CEP120: variants seen among roughly 807,000 people sequenced by gnomAD.
CEP120 encodes the protein centrosomal protein of 120 kDa.
Under a neutral mutation model 126.5 loss-of-function variants are expected in CEP120, and 113 were observed. The ratio of observed to expected loss-of-function variants is 0.89; its 90% CI spans 0.77 to 1.04. The LOEUF (loss-of-function observed/expected upper bound fraction) is 1.04. Ranked by LOEUF, CEP120 falls within the 50% of genes least tolerant of loss-of-function variation. The pLI, the probability that CEP120 is intolerant of heterozygous loss-of-function variation, is 0.00. For synonymous variants in CEP120, 400 were observed against 394.3 expected, an observed-to-expected ratio of 1.01 and a Z score of -0.17; for missense variants, 1,230 against 1,155.7, an observed-to-expected ratio of 1.06 and a Z score of -0.93.
At chr5:123,377,258 T>G in intron 16 of CEP120, 116 bp downstream of exon 16, 3 of 916,556 alleles carry the variant, frequency 3.3e-6, no homozygotes, top group Non-Finnish European at 5.0e-6. Flanking sequence ...AATAATATGA[T>G]TAATAGTCTA....
chr5:123,385,984 G>C (rs190995937), intron 10 of CEP120, among the ~76,000 whole-genome samples: 1 of 152,072 alleles, frequency 6.6e-6, no homozygotes, highest in Non-Finnish European at 1.5e-5. Flanking sequence ...TTAGATTTAA[G>C]TTACCCTTCA....
intron 18 of CEP120, among the ~76,000 whole-genome samples, chr5:123,355,324 T>A (rs1332163377): frequency 2.6e-5 from 4 of 152,186 alleles, no homozygotes; most frequent in Non-Finnish European, 4.4e-5. Context: ...CTGGGTCAAA[T>A]GGTATTTCTA....
At chr5:123,401,115 C>T in intron 4 of CEP120, 2 of 1,600,652 alleles carry the variant, frequency 1.2e-6, no homozygotes, top group Non-Finnish European at 1.7e-6. Context: ...CGTATGAATA[C>T]TCATGTTCTG....
intron 5 of CEP120, among the ~76,000 whole-genome samples, chr5:123,394,357 C>T (rs537169582): frequency 1.4e-4 from 22 of 152,302 alleles, no homozygotes; most frequent in Admixed American, 1.2e-3. Flanking sequence ...AACTGTTCTA[C>T]CTCAGATCAT....
At chr5:123,422,445 A>G in intron 1 of CEP120, 4 of 1,424,176 alleles carry the variant, frequency 2.8e-6, no homozygotes, top group Non-Finnish European at 3.8e-6. Flanking sequence ...CAATAAACCA[A>G]TGTCATTCAT....
At chr5:123,381,546 T>G (rs1771649922) in intron 14 of CEP120, among the ~76,000 whole-genome samples, 1 of 152,122 alleles carries the variant, frequency 6.6e-6, no homozygotes, top group African/African-American at 2.4e-5. Flanking sequence ...AATATTAAGC[T>G]TTTGCTTCAG....
Position 123,372,506 on chromosome 5 carries a change from T to C in CEP120, c.2481+144A>G, listed in dbSNP as rs531962657. 4 of 793,276 alleles carry C rather than the reference T, an allele frequency of 5.0e-6. No individual in the cohort carries two copies. In the South Asian group the frequency reaches 5.2e-5, roughly 10 times the overall value. The allele number at this position is 793,276 out of a possible 1,614,324, so 49.1% of individuals were successfully genotyped here. On this transcript the variant is annotated intron_variant, in intron 17 of 19. Transcript: ENST00000306467. ...CCAAGAAATTCAAGTACTAATAATG[T>C]CACGTGCCTTTAATTCTCTAATGCA...
At chr5:123,365,540 A>C (rs11740716) in intron 17 of CEP120, among the ~76,000 whole-genome samples, 2 of 151,700 alleles carry the variant, frequency 1.3e-5, no homozygotes, top group African/African-American at 4.8e-5. Flanking sequence ...TTCCCTTCAC[A>C]AAAGTGCAGA....
chr5:123,365,678 T>A (rs1168230410), intron 17 of CEP120, among the ~76,000 whole-genome samples: 1 of 151,692 alleles, frequency 6.6e-6, no homozygotes, highest in Non-Finnish European at 1.5e-5. Flanking sequence ...TGAATAATAC[T>A]GCTGAGATTA....
chr5:123,365,677 C>T (rs1007390136), intron 17 of CEP120, among the ~76,000 whole-genome samples: 4 of 151,566 alleles, frequency 2.6e-5, no homozygotes, highest in Admixed American at 1.3e-4. Flanking sequence ...TTGAATAATA[C>T]TGCTGAGATT....
intron 18 of CEP120, among the ~76,000 whole-genome samples, chr5:123,364,010 T>C (rs1770274834): frequency 6.6e-6 from 1 of 151,528 alleles, no homozygotes; most frequent in Non-Finnish European, 1.5e-5. Context: ...GAAAAAAATA[T>C]AATAATTCAG....
intron 3 of CEP120, among the ~76,000 whole-genome samples, chr5:123,415,270 G>A (rs1418570270): frequency 6.6e-6 from 1 of 152,028 alleles, no homozygotes; most frequent in Non-Finnish European, 1.5e-5. Flanking sequence ...CAGATCAGGA[G>A]GGAAAAAACC....
intron 18 of CEP120, among the ~76,000 whole-genome samples, chr5:123,358,917 A>G (rs987309520): frequency 1.3e-5 from 2 of 152,042 alleles, no homozygotes; most frequent in African/African-American, 4.8e-5. Context: ...TCTGTGGGAA[A>G]AAACTTACAA....
At chr5:123,385,587 T>C (rs1771963501) in intron 10 of CEP120, among the ~76,000 whole-genome samples, 1 of 151,564 alleles carries the variant, frequency 6.6e-6, no homozygotes. Context: ...CTTCTCATAA[T>C]GTATCCCTAT....
chr5:123,350,105 G>T lies in CEP120; in HGVS notation c.2581-16C>A, dbSNP rs945583405. ...CTTGCTCCCTCTTGAAAGAAACAAAGAAACAAGTCATATCCTTAATATTAG... is the reference window on the plus strand; with the variant it reads ...CTTGCTCCCTCTTGAAAGAAACAAATAAACAAGTCATATCCTTAATATTAG... On this transcript the variant is annotated splice_polypyrimidine_tract_variant and intron_variant, in intron 18 of 19. Coordinates refer to ENST00000306467, the MANE Select transcript of CEP120 (RefSeq NM_001375405.1). 2 of 1,598,266 alleles carry T rather than the reference G, an allele frequency of 1.3e-6. No homozygotes were observed. Among genetic ancestry groups the T allele is most frequent in the Non-Finnish European group, 1.7e-6 (2 of 1,173,510 alleles).
chr5:123,412,471 C>T lies in CEP120; in HGVS notation c.391G>A (p.Ala131Thr), dbSNP rs1014923216. 1.2e-5 allele frequency: 20 copies of T among 1,611,488 alleles called. No homozygotes were observed. Among genetic ancestry groups the T allele is most frequent in the Non-Finnish European group, 1.7e-5 (20 of 1,178,816 alleles). Residue 131 changes from alanine to threonine, a missense_variant, in exon 4 of 20, where the codon GCT becomes ACT. Transcript: ENST00000306467. ...GGTGGCTTTGTATCGGTTTCCAAAG[C>T]AATACTTATCTGTATCTCAGACTTG... ...KFKSEIQISI[A>T]LETDTKPPVD...
intron 17 of CEP120, 72 bp from the exon 18 acceptor site, chr5:123,364,666 C>T: frequency 6.2e-6 from 5 of 811,972 alleles, no homozygotes; most frequent in Non-Finnish European, 9.5e-6. Context: ...ATAATATATA[C>T]AAAGAGTCTG....
At chr5:123,391,949 A>C (rs1772428437) in intron 6 of CEP120, among the ~76,000 whole-genome samples, 1 of 152,054 alleles carries the variant, frequency 6.6e-6, no homozygotes, top group African/African-American at 2.4e-5. Flanking sequence ...CAATATTATC[A>C]CCTTTTGACA....
At chr5:123,350,125 T>C (rs1215098392) in intron 18 of CEP120, 36 bp from the exon 19 acceptor site, 36 of 1,549,200 alleles carry the variant, frequency 2.3e-5, no homozygotes, top group Non-Finnish European at 3.0e-5. Flanking sequence ...ATATCCTTAA[T>C]ATTAGGAACA....
Sources: allele counts gnomAD v4.1 joint callset (sites outside exome capture counted in the v4.1 genomes callset), GRCh38; gene constraint gnomAD v4.1.1; transcripts MANE v1.5; gene names NCBI Gene and HGNC (gene_info 2026-07-23, HGNC 2026-07-21).